MCM9: variants seen among roughly 807,000 people sequenced by gnomAD.
MCM9 encodes DNA helicase MCM9.
Under a neutral mutation model 72.8 loss-of-function variants are expected in MCM9, and 55 were observed. The ratio of observed to expected loss-of-function variants is 0.76; its 90% CI spans 0.61 to 0.95. MCM9 has a LOEUF of 0.95. Ranked by LOEUF, MCM9 falls within the 40% of genes least tolerant of loss-of-function variation. The pLI, the probability that MCM9 is intolerant of heterozygous loss-of-function variation, is 0.00. For missense variants in MCM9, 1,279 were observed against 1,377.0 expected (o/e 0.93, Z 1.13); for synonymous variants, 480 against 503.4 (o/e 0.95, Z 0.62).
intron 9 of MCM9, among the ~76,000 whole-genome samples, chr6:118,855,355 C>G (rs1776486942): frequency 6.6e-6 from 1 of 152,160 alleles, no homozygotes; most frequent in South Asian, 2.1e-4. Context: ...CCGTGAATAC[C>G]TGAAGGACAA....
At position 118,858,564 on chromosome 6, in the gene MCM9, A is replaced by C. The variant is rs148693314; in HGVS notation, c.1151-2019T>G. 3.4e-3 allele frequency among the ~76,000 whole-genome samples: 514 copies of C among 152,262 alleles called. 2 individuals are homozygous for C. Among genetic ancestry groups the C allele is most frequent in the African/African-American group, 0.012 (498 of 41,552 alleles). On this transcript the variant is annotated intron_variant, in intron 8 of 13. Transcript: ENST00000619706. ...TAACATACAGACTGAAAAATAAATA[A>C]ATAAAACTGTTTAAATTTGCAGACA...
chr6:118,911,101 G>A, intron 8 of MCM9: 1 of 985,052 alleles, frequency 1.0e-6, no homozygotes, highest in Middle Eastern at 5.2e-4. Context: ...ATCAAATCTT[G>A]ACATTCTACC....
At chr6:118,843,787 G>A (rs1482837952) in intron 9 of MCM9, among the ~76,000 whole-genome samples, 3 of 145,592 alleles carry the variant, frequency 2.1e-5, no homozygotes, top group Non-Finnish European at 4.5e-5. Context: ...ATTCTGATCC[G>A]GCGGTTTGCA....
intron 3 of MCM9, 68 bp from the exon 4 acceptor site, chr6:118,924,195 TCTC>T: frequency 7.4e-7 from 1 of 1,342,834 alleles, no homozygotes; most frequent in Non-Finnish European, 1.0e-6. Flanking sequence ...GATATATTCT[TCTC>T]CTATTTCCTG....
intron 9 of MCM9, among the ~76,000 whole-genome samples, chr6:118,832,310 G>A (rs563945797): frequency 7.2e-5 from 11 of 152,168 alleles, no homozygotes; most frequent in Middle Eastern, 3.4e-3. Context: ...GAATCCTCCC[G>A]CCTTGGCCTC....
chr6:118,832,792 G>A (rs1453015675), intron 9 of MCM9, among the ~76,000 whole-genome samples: 1 of 152,166 alleles, frequency 6.6e-6, no homozygotes, highest in Non-Finnish European at 1.5e-5. Context: ...TTTACGGGAT[G>A]ATCCTCATCT....
intron 8 of MCM9, among the ~76,000 whole-genome samples, chr6:118,890,829 A>T (rs1205579762): frequency 6.6e-6 from 1 of 152,220 alleles, no homozygotes; most frequent in Non-Finnish European, 1.5e-5. Flanking sequence ...TATTAAAACA[A>T]GCCTTACATG....
At chr6:118,878,720 G>A (rs1408874147) in intron 8 of MCM9, among the ~76,000 whole-genome samples, 1 of 151,798 alleles carries the variant, frequency 6.6e-6, no homozygotes, top group African/African-American at 2.4e-5. Context: ...GAAACAAGAA[G>A]GGTATTAAAA....
chr6:118,843,686 G>GTGTGTGTGTGTGTATATA lies in MCM9; in HGVS notation c.1325+12684_1325+12685insTATATACACACACACACA, dbSNP rs1775630036. On this transcript the variant is annotated intron_variant, in intron 9 of 13. Coordinates refer to ENST00000619706, the MANE Select transcript of MCM9 (RefSeq NM_017696.3). ...TATATATATGTATGTATATATATAT[G>GTGTGTGTGTGTGTATATA]TGTATATATATATATATGTATGTAT... Among the ~76,000 whole-genome samples the GTGTGTGTGTGTGTATATA allele has an allele frequency of 6.4e-5, 2 of 31,222 alleles. 1 individual carries two copies. The highest frequency in any genetic ancestry group is 2.9e-4 in the African/African-American group (2 of 6,944). 20.5% of individuals were successfully genotyped at this position (31,222 alleles called of 152,430 possible).
intron 3 of MCM9, among the ~76,000 whole-genome samples, chr6:118,924,926 C>T (rs2114393624): frequency 6.6e-6 from 1 of 151,992 alleles, no homozygotes; most frequent in African/African-American, 2.4e-5. Flanking sequence ...TGCCTATAGC[C>T]CCAGCAACTC....
Position 118,816,933 on chromosome 6 carries a change from T to C in MCM9, c.1962-639A>G, listed in dbSNP as rs1038494831. Among the ~76,000 whole-genome samples the C allele has an allele frequency of 2.6e-5, 4 of 152,212 alleles. No homozygotes were observed. In the South Asian group the frequency reaches 8.3e-4, roughly 32 times the overall value. ...CTCCCCAGGCAACTGTGACAATCTT[T>C]CCTGCAAAGCCCAGGCATGTTTAAA... On this transcript the variant is annotated intron_variant, in intron 13 of 13. Transcript: ENST00000619706.
At chr6:118,860,617 C>T (rs147602092) in intron 8 of MCM9, among the ~76,000 whole-genome samples, 1 of 152,086 alleles carries the variant, frequency 6.6e-6, no homozygotes. Context: ...CAGAGAACAC[C>T]AGCAAAATGA....
chr6:118,823,500 T>A (rs1166290129), intron 13 of MCM9, among the ~76,000 whole-genome samples: 1 of 152,316 alleles, frequency 6.6e-6, no homozygotes, highest in Non-Finnish European at 1.5e-5. Context: ...GCCTTCTGCA[T>A]TGGTCTTGCT....
chr6:118,907,283 TG>T, intron 8 of MCM9: 1 of 660,026 alleles, frequency 1.5e-6, no homozygotes, highest in Non-Finnish European at 2.7e-6. Context: ...ATTATACCTT[TG>T]TATATGAACT....
At chr6:118,929,746 G>C (rs891735980) in intron 3 of MCM9, among the ~76,000 whole-genome samples, 1 of 152,164 alleles carries the variant, frequency 6.6e-6, no homozygotes, top group African/African-American at 2.4e-5. Context: ...GCCAGAGGAG[G>C]AGGATCACTT....
intron 13 of MCM9, among the ~76,000 whole-genome samples, chr6:118,821,680 T>C (rs1165306169): frequency 1.3e-5 from 2 of 152,226 alleles, no homozygotes; most frequent in Non-Finnish European, 2.9e-5. Context: ...CTTGCTAAGT[T>C]GGGGAAGTTC....
At chr6:118,911,475 G>A (rs1205068545) in intron 8 of MCM9, 175 bp downstream of exon 8, 15 of 1,316,930 alleles carry the variant, frequency 1.1e-5, no homozygotes, top group Non-Finnish European at 1.4e-5. Flanking sequence ...GGTGGAGCTT[G>A]CAAGATATTT....
Position 118,826,808 on chromosome 6 carries a change from C to A in MCM9, c.1789G>T (p.Val597Leu). Residue 597 changes from valine (V) to leucine (L), a missense_variant, in exon 12 of 14, where the codon GTG becomes TTG. Transcript: ENST00000619706. ...TGCATTGAGGACTCCATGACTGACA[C>A]CACCGTAATAGCGTCTTCCAGAGTT... ...TVTLEDAITV[V>L]SVMESSMQGG... 6.5e-7 allele frequency: 1 copy of A among 1,550,318 alleles called. No individual in the cohort carries two copies. Among genetic ancestry groups the A allele is most frequent in the Non-Finnish European group, 8.7e-7 (1 of 1,146,866 alleles).
rs144479327 is a variant in MCM9, at chr6:118,844,583, A to G, written c.1325+11788T>C. On this transcript the variant is annotated intron_variant, in intron 9 of 13. Coordinates refer to ENST00000619706, the MANE Select transcript of MCM9 (RefSeq NM_017696.3). ...TTAAAAGGACAACTTAAATGGAAGA[A>G]AACAGATCACGTAATTGGTGACAGC... Among the ~76,000 whole-genome samples the G allele has an allele frequency of 1.7e-3, 255 of 152,024 alleles. 8 individuals are homozygous for G. Among genetic ancestry groups the G allele is most frequent in the African/African-American group, 5.7e-3 (235 of 41,278 alleles).
Sources: gnomAD v4.1 joint callset for allele counts (sites outside exome capture counted in the v4.1 genomes callset) on GRCh38, gnomAD v4.1.1 for gene constraint, MANE v1.5 for transcripts, NCBI Gene and HGNC (gene_info 2026-07-23, HGNC 2026-07-21) for gene names.